The following ANO4 variants were observed in gnomAD, a reference collection of about 807,000 sequenced individuals.
ANO4 encodes the protein anoctamin 4.
ANO4 carries 69 observed loss-of-function variants against 141.9 expected under a neutral mutation model. The observed-to-expected ratio is 0.49, with a 90% confidence interval of 0.40 to 0.59. The LOEUF (loss-of-function observed/expected upper bound fraction) is 0.59, where lower values mean the gene tolerates loss of function less well. Among genes scored for constraint, ANO4 ranks in the 20% least tolerant of loss-of-function variants. ANO4 has a pLI of 0.00. For synonymous variants in ANO4, 350 were observed against 394.3 expected (o/e 0.89, Z 1.33); for missense variants, 894 against 1,162.2 (o/e 0.77, Z 3.36).
chr12:100,816,562 T>C (rs1248892702), intron 1 of ANO4, among the ~76,000 whole-genome samples: 7 of 151,928 alleles, frequency 4.6e-5, no homozygotes, highest in Middle Eastern at 3.2e-3. Context: ...AGACACTAGA[T>C]TAGACTAGAA....
chr12:100,724,481 G>A (rs574342941), intron 1 of ANO4, among the ~76,000 whole-genome samples: 1 of 152,284 alleles, frequency 6.6e-6, no homozygotes, highest in South Asian at 2.1e-4. Flanking sequence ...ACTTCAACTA[G>A]TATCTCTCCT....
chr12:101,026,462 T>C (rs968302301), intron 9 of ANO4, among the ~76,000 whole-genome samples: 11 of 152,128 alleles, frequency 7.2e-5, no homozygotes, highest in Admixed American at 5.2e-4. Flanking sequence ...AACAAATTGA[T>C]CTATAGATTC....
At chr12:101,126,385 A>AAAT (rs10631334) in intron 26 of ANO4, among the ~76,000 whole-genome samples, 7,783 of 152,200 alleles carry the variant, frequency 0.051, 626 homozygotes, top group African/African-American at 0.17. Context: ...CTTCTTCCTG[A>AAAT]AATGATCATT....
intron 2 of ANO4, among the ~76,000 whole-genome samples, chr12:100,906,229 G>T (rs2040839165): frequency 6.6e-6 from 1 of 152,140 alleles, no homozygotes; most frequent in Admixed American, 6.6e-5. Flanking sequence ...AATCAAAAGT[G>T]CATGGAAGGG....
At chr12:100,775,546 C>G (rs1027207782) in intron 3 of ANO4, among the ~76,000 whole-genome samples, 17 of 152,124 alleles carry the variant, frequency 1.1e-4, no homozygotes, top group Non-Finnish European at 1.6e-4. Flanking sequence ...ATTGTGTGAC[C>G]TTGGGAATAT....
intron 14 of ANO4, chr12:101,066,655 C>G: frequency 3.4e-6 from 2 of 587,326 alleles, no homozygotes; most frequent in Non-Finnish European, 6.1e-6. Context: ...CTTTGCGTCC[C>G]CATCATGGCC....
chr12:100,964,451 A>T (rs1430023277), intron 5 of ANO4, among the ~76,000 whole-genome samples: 1 of 149,998 alleles, frequency 6.7e-6, no homozygotes, highest in East Asian at 2.0e-4. Flanking sequence ...ATTACTATTC[A>T]TTTGCATTCA....
chr12:100,754,612 C>A (rs139178375), intron 3 of ANO4, among the ~76,000 whole-genome samples: 262 of 152,224 alleles, frequency 1.7e-3, no homozygotes, highest in African/African-American at 5.8e-3. Flanking sequence ...ACATTTGTAA[C>A]AAATGTTCAT....
At chr12:100,911,710 T>C (rs2041110258) in intron 2 of ANO4, among the ~76,000 whole-genome samples, 1 of 152,104 alleles carries the variant, frequency 6.6e-6, no homozygotes, top group Non-Finnish European at 1.5e-5. Context: ...TGTTTCTCCC[T>C]TTAAAGAGCA....
chr12:100,841,314 C>T (rs117189067), intron 1 of ANO4, among the ~76,000 whole-genome samples: 346 of 152,214 alleles, frequency 2.3e-3, no homozygotes, highest in Non-Finnish European at 3.1e-3. Context: ...TTATAACTGA[C>T]CCAGGTCTCC....
intron 14 of ANO4, among the ~76,000 whole-genome samples, chr12:101,064,007 A>G (rs1402117454): frequency 1.3e-5 from 2 of 150,698 alleles, no homozygotes; most frequent in African/African-American, 4.9e-5. Context: ...TATTGTTTTT[A>G]TGTTTCATTT....
At chr12:100,886,367 G>T (rs1258040259) in intron 1 of ANO4, among the ~76,000 whole-genome samples, 2 of 132,998 alleles carry the variant, frequency 1.5e-5, no homozygotes, top group Non-Finnish European at 1.6e-5. Context: ...ACAAAAGTAT[G>T]TTGTGAAGAT....
At chr12:101,111,781 G>T (rs2050675578) in intron 24 of ANO4, 71 bp downstream of exon 24, 1 of 1,428,104 alleles carries the variant, frequency 7.0e-7, no homozygotes, top group African/African-American at 1.4e-5. Context: ...CACTCAGACA[G>T]AAGACTGCAC....
intron 3 of ANO4, among the ~76,000 whole-genome samples, chr12:100,770,844 T>C (rs1360469362): frequency 6.6e-6 from 1 of 151,132 alleles, no homozygotes. Flanking sequence ...GATCCCTTCT[T>C]ATAAAGGGGC....
intron 8 of ANO4, among the ~76,000 whole-genome samples, chr12:101,012,863 A>G (rs2046156442): frequency 6.6e-6 from 1 of 152,086 alleles, no homozygotes; most frequent in Admixed American, 6.6e-5. Flanking sequence ...GAGCCCAGAG[A>G]CCTTGATGGA....
At chr12:101,093,827 A>G (rs114907625) in intron 17 of ANO4, among the ~76,000 whole-genome samples, 226 of 152,240 alleles carry the variant, frequency 1.5e-3, no homozygotes, top group African/African-American at 5.2e-3. Context: ...GCTGTAATCT[A>G]GAGTTTACAG....
At chr12:101,011,229 A>G (rs754866702) in intron 8 of ANO4, among the ~76,000 whole-genome samples, 15 of 152,128 alleles carry the variant, frequency 9.9e-5, no homozygotes, top group Non-Finnish European at 1.9e-4. Context: ...TCACAAATCC[A>G]GCTCAGTCTA....
At chr12:101,099,818 C>T (rs746603167) in intron 22 of ANO4, 98 bp downstream of exon 22, 26 of 1,010,780 alleles carry the variant, frequency 2.6e-5, no homozygotes, top group African/African-American at 1.2e-4. Context: ...GTCCTCAGTG[C>T]GTAGGGATTC....
chr12:101,126,698 G>A (rs761418147), intron 26 of ANO4, among the ~76,000 whole-genome samples, 181 bp from the exon 27 acceptor site: 17 of 151,858 alleles, frequency 1.1e-4, no homozygotes, highest in Non-Finnish European at 2.2e-4. Context: ...TATTCCTTAG[G>A]TGGTGCCATC....
Sources: allele counts gnomAD v4.1 joint callset (sites outside exome capture counted in the v4.1 genomes callset), GRCh38; gene constraint gnomAD v4.1.1; transcripts MANE v1.5; gene names NCBI Gene and HGNC (gene_info 2026-07-23, HGNC 2026-07-21).